JAK1: variants seen among roughly 807,000 people sequenced by gnomAD.
JAK1 encodes the protein tyrosine-protein kinase JAK1.
In JAK1, 16 loss-of-function variants were observed where a neutral mutation model predicts 136.6. The ratio of observed to expected loss-of-function variants is 0.12; its 90% CI spans 0.08 to 0.18. The LOEUF (loss-of-function observed/expected upper bound fraction) is 0.18. Among genes scored for constraint, JAK1 ranks in the 10% least tolerant of loss-of-function variants. JAK1 has a pLI of 1.00. For synonymous variants in JAK1, 492 were observed against 519.5 expected (o/e 0.95, Z 0.72); for missense variants, 859 against 1,450.1 (o/e 0.59, Z 6.62).
rs113898783 is a variant in JAK1 at position 64,896,961 on chromosome 1, G to T, written c.-77-10620C>A. Reference sequence around the variant, plus strand: ...AAGGATAATCATAATTATTTTACAGGCTTATTTTAAACTCTTGGAAAAATA... The same window carrying T: ...AAGGATAATCATAATTATTTTACAGTCTTATTTTAAACTCTTGGAAAAATA... On this transcript the variant is annotated intron_variant, in intron 1 of 24. Coordinates refer to ENST00000342505, the MANE Select transcript of JAK1 (RefSeq NM_002227.4). Among the ~76,000 whole-genome samples, 806 of 152,190 alleles carry T rather than the reference G, an allele frequency of 5.3e-3. 2 individuals carry two copies. The highest frequency in any genetic ancestry group is 8.8e-3 in the Non-Finnish European group (599 of 68,010).
intron 2 of JAK1, among the ~76,000 whole-genome samples, chr1:65,032,885 C>T (rs1251305284): frequency 6.6e-6 from 1 of 152,158 alleles, no homozygotes; most frequent in African/African-American, 2.4e-5. Flanking sequence ...ACTTAATAGC[C>T]ATTCTTTCTT....
intron 11 of JAK1, among the ~76,000 whole-genome samples, chr1:64,852,267 T>C (rs1292812904): frequency 6.6e-6 from 1 of 152,270 alleles, no homozygotes; most frequent in Admixed American, 6.5e-5. Context: ...GATTAAGTAA[T>C]TGGCCCAAGG....
chr1:64,931,062 G>A (rs1253141469), intron 1 of JAK1, among the ~76,000 whole-genome samples: 1 of 152,106 alleles, frequency 6.6e-6, no homozygotes, highest in East Asian at 1.9e-4. Context: ...ACAGGTTGAT[G>A]GGTGCAGCAA....
chr1:65,009,803 G>A (rs1335174077), intron 2 of JAK1, among the ~76,000 whole-genome samples: 1 of 152,192 alleles, frequency 6.6e-6, no homozygotes, highest in Non-Finnish European at 1.5e-5. Context: ...CACATTGCCA[G>A]TAAGTGGCAG....
chr1:64,976,884 T>C (rs1646501329), intron 2 of JAK1, among the ~76,000 whole-genome samples: 1 of 152,084 alleles, frequency 6.6e-6, no homozygotes, highest in African/African-American at 2.4e-5. Flanking sequence ...TTACCCTCAT[T>C]CTCTAGGGTC....
chr1:65,067,282 C>T (rs967398379), intron 1 of JAK1, among the ~76,000 whole-genome samples: 6 of 150,348 alleles, frequency 4.0e-5, no homozygotes, highest in African/African-American at 1.5e-4. Context: ...CGCCGCCTGG[C>T]CCGCCCCCAG....
intron 2 of JAK1, chr1:64,986,158 T>C (rs532027071): frequency 2.0e-6 from 1 of 488,776 alleles, no homozygotes; most frequent in Non-Finnish European, 3.6e-6. Flanking sequence ...CAGCCTGGAG[T>C]GCAGTGGGGC....
intron 10 of JAK1, among the ~76,000 whole-genome samples, chr1:64,856,796 T>C (rs2101055796): frequency 6.6e-6 from 1 of 152,266 alleles, no homozygotes; most frequent in East Asian, 1.9e-4. Context: ...CGCTGGTTCC[T>C]TCTGCCGTTT....
chr1:64,935,603 T>C (rs2100480045), intron 1 of JAK1, among the ~76,000 whole-genome samples: 1 of 152,106 alleles, frequency 6.6e-6, no homozygotes, highest in Non-Finnish European at 1.5e-5. Context: ...ACCCAGCCCA[T>C]AATTCATCTT....
upstream of JAK1, among the ~76,000 whole-genome samples, chr1:64,968,045 G>C (rs553051310): frequency 1.3e-5 from 2 of 152,294 alleles, no homozygotes; most frequent in East Asian, 3.9e-4. Flanking sequence ...TCAGGAAGTG[G>C]TAGGGGTTTT....
intron 2 of JAK1, among the ~76,000 whole-genome samples, chr1:65,028,693 A>T (rs1646998620): frequency 6.6e-6 from 1 of 152,212 alleles, no homozygotes; most frequent in Non-Finnish European, 1.5e-5. Flanking sequence ...CAGAAAACTT[A>T]TTTACTAATT....
At chr1:64,898,941 G>C (rs1389817991) in intron 1 of JAK1, among the ~76,000 whole-genome samples, 1 of 151,936 alleles carries the variant, frequency 6.6e-6, no homozygotes, top group African/African-American at 2.4e-5. Flanking sequence ...ATTAATGAAG[G>C]CACCTCTGCC....
chr1:64,903,197 T>C (rs1161270387), intron 1 of JAK1, among the ~76,000 whole-genome samples: 3 of 152,158 alleles, frequency 2.0e-5, no homozygotes, highest in Non-Finnish European at 4.4e-5. Flanking sequence ...TGGTTAATTT[T>C]TGCATTTTTA....
chr1:64,878,556 A>AAT (rs1644712345), intron 4 of JAK1, among the ~76,000 whole-genome samples: 1 of 109,244 alleles, frequency 9.2e-6, no homozygotes, highest in African/African-American at 3.5e-5. Context: ...TTATATATAT[A>AAT]GTGTGTATAT....
intron 11 of JAK1, among the ~76,000 whole-genome samples, chr1:64,854,894 G>T (rs1008652148): frequency 5.3e-5 from 8 of 151,926 alleles, no homozygotes; most frequent in African/African-American, 1.9e-4. Flanking sequence ...GACCGCACTG[G>T]CAACCTCCCA....
rs1404421059 is a variant in JAK1, at chr1:64,975,266, T to A, written c.-78+69214A>T. The stretch of plus-strand genomic sequence containing the variant: ...ATGCACCACTGCACCCCAAAAGAAC[T>A]GACCAGCTTTCATATACCTGCCATG... On this transcript the variant is annotated intron_variant, in intron 2 of 25. Transcript: ENST00000671954. Among the ~76,000 whole-genome samples, 5 of 152,196 alleles carry A rather than the reference T, an allele frequency of 3.3e-5. No individual in the cohort carries two copies. The East Asian group carries it at 9.6e-4, about 29-fold the overall frequency.
At chr1:64,931,568 A>G (rs527771231) in intron 1 of JAK1, among the ~76,000 whole-genome samples, 35 of 152,036 alleles carry the variant, frequency 2.3e-4, no homozygotes, top group African/African-American at 7.2e-4. Flanking sequence ...ATCCTAGGCA[A>G]TTACTACGCT....
At chr1:64,893,747 C>T (rs1419788087) in intron 1 of JAK1, among the ~76,000 whole-genome samples, 1 of 152,144 alleles carries the variant, frequency 6.6e-6, no homozygotes, top group Non-Finnish European at 1.5e-5. Context: ...AAGTTTGAAA[C>T]CATTTTGTAC....
At chr1:64,870,025 C>T (rs990932734) in intron 5 of JAK1, among the ~76,000 whole-genome samples, 1 of 152,154 alleles carries the variant, frequency 6.6e-6, no homozygotes, top group Non-Finnish European at 1.5e-5. Flanking sequence ...TATACCCCCC[C>T]ACTGATGGAG....
Sources: gnomAD v4.1 joint callset for allele counts (sites outside exome capture counted in the v4.1 genomes callset) on GRCh38, gnomAD v4.1.1 for gene constraint, MANE v1.5 for transcripts, NCBI Gene and HGNC (gene_info 2026-07-23, HGNC 2026-07-21) for gene names.